Variants in LRRFIP2 observed in about 807,000 individuals in gnomAD.
LRRFIP2 encodes the protein leucine-rich repeat flightless-interacting protein 2.
Under a neutral mutation model 125.9 loss-of-function variants are expected in LRRFIP2, and 109 were observed. The observed-to-expected ratio is 0.87, with a 90% CI of 0.74 to 1.01. The LOEUF is 1.01. Among genes scored for constraint, LRRFIP2 ranks in the 50% least tolerant of loss-of-function variants. The pLI, the probability that LRRFIP2 is intolerant of heterozygous loss-of-function variation, is 0.00. For missense variants in LRRFIP2, 850 were observed against 862.3 expected, an observed-to-expected ratio of 0.99 and a Z score of 0.18; for synonymous variants, 291 against 293.1, an observed-to-expected ratio of 0.99 and a Z score of 0.07.
Position 37,148,974 on chromosome 3 carries a change from G to A in LRRFIP2, c.10C>T (p.Pro4Ser). Reference protein sequence around the residue: MGTPASGRKRTPVK... With the variant: MGTSASGRKRTPVK... ...GGTGTTCTTTTCCTTCCAGAAGCAG[G>A]AGTCCCCATCTTGTGTTCTTAATAG... is the stretch of plus-strand genomic sequence containing the variant. The change falls in exon 2 of 28, where the codon CCT becomes TCT. Residue 4 changes from proline (P) to serine (S), a missense_variant. By Grantham distance (74) the Pro-to-Ser change is moderately conservative. Transcript: ENST00000336686. 1 of 1,613,942 alleles carries A rather than the reference G, an allele frequency of 6.2e-7. No homozygotes were observed. Among genetic ancestry groups the A allele is most frequent in the Non-Finnish European group, 8.5e-7 (1 of 1,179,916 alleles).
Position 37,109,509 on chromosome 3 carries a change from G to C in LRRFIP2, c.609+18C>G. On this transcript the variant is annotated intron_variant, in intron 11 of 27. Coordinates refer to ENST00000336686, the MANE Select transcript of LRRFIP2 (RefSeq NM_006309.4). ...GACCCCACCAGCACTGCACACACTG[G>C]AAGAGGAAAATACAAACCAGACTGG... 6.2e-7 allele frequency: 1 copy of C among 1,613,802 alleles called. No individual in the cohort carries two copies. Among genetic ancestry groups the C allele is most frequent in the South Asian group, 1.1e-5 (1 of 91,076 alleles).
At chr3:37,120,669 A>AACT (rs2094989425) in intron 6 of LRRFIP2, among the ~76,000 whole-genome samples, 1 of 152,158 alleles carries the variant, frequency 6.6e-6, no homozygotes, top group Non-Finnish European at 1.5e-5. Context: ...AGTCAGGGAA[A>AACT]ACTAACAAAT....
chr3:37,158,715 A>C (rs185672607), intron 1 of LRRFIP2, among the ~76,000 whole-genome samples: 1 of 152,272 alleles, frequency 6.6e-6, no homozygotes, highest in East Asian at 1.9e-4. Flanking sequence ...AGATGAAACA[A>C]AAAGTAAGGG....
intron 1 of LRRFIP2, among the ~76,000 whole-genome samples, chr3:37,168,272 A>G (rs1406209208): frequency 6.6e-6 from 1 of 152,230 alleles, no homozygotes. Flanking sequence ...AAGCAGAAAG[A>G]TGGAAACAAC....
At chr3:37,175,225 A>G (rs1204864565), upstream of LRRFIP2, 2 of 152,206 alleles carry the variant, frequency 1.3e-5, no homozygotes, top group African/African-American at 2.4e-5. Context: ...ATGACAACAT[A>G]AAAAAATTAA....
At position 37,152,627 on chromosome 3, in the gene LRRFIP2, G is replaced by A. The variant is rs527407387; in HGVS notation, c.-55-3589C>T. ...CCTGGCTAATTTTGTAATTTTAGTAGAGACGGGGTTTCACCATGTTGGCCA... is the reference window on the plus strand; with the variant it reads ...CCTGGCTAATTTTGTAATTTTAGTAAAGACGGGGTTTCACCATGTTGGCCA... On this transcript the variant is annotated intron_variant, in intron 1 of 27. Coordinates refer to ENST00000336686, the MANE Select transcript of LRRFIP2 (RefSeq NM_006309.4). 7.9e-5 allele frequency among the ~76,000 whole-genome samples: 12 copies of A among 152,130 alleles called. 1 individual carries two copies. The highest frequency in any genetic ancestry group is 2.9e-4 in the African/African-American group (12 of 41,512).
chr3:37,169,008 C>T (rs1298953366), intron 1 of LRRFIP2, among the ~76,000 whole-genome samples: 3 of 152,140 alleles, frequency 2.0e-5, no homozygotes, highest in Non-Finnish European at 4.4e-5. Flanking sequence ...CGAAAATTTA[C>T]CACTGTGTTA....
intron 6 of LRRFIP2, among the ~76,000 whole-genome samples, chr3:37,119,567 A>C (rs2094936251): frequency 6.6e-6 from 1 of 152,256 alleles, no homozygotes; most frequent in South Asian, 2.1e-4. Flanking sequence ...TGAAAAAGCC[A>C]TAAATACAAG....
chr3:37,139,533 C>A (rs1179313826), intron 2 of LRRFIP2, among the ~76,000 whole-genome samples: 1 of 152,134 alleles, frequency 6.6e-6, no homozygotes. Flanking sequence ...CGCTTCACAC[C>A]CTCCAAAGCC....
intron 24 of LRRFIP2, among the ~76,000 whole-genome samples, chr3:37,059,383 T>C (rs1040131254): frequency 3.3e-5 from 5 of 152,170 alleles, no homozygotes; most frequent in Non-Finnish European, 7.3e-5. Context: ...AGTTAACTGA[T>C]AGGGTATATT....
At chr3:37,101,175 G>A (rs938447956) in intron 15 of LRRFIP2, among the ~76,000 whole-genome samples, 1 of 151,766 alleles carries the variant, frequency 6.6e-6, no homozygotes, top group African/African-American at 2.4e-5. Context: ...GGCCAAGATG[G>A]TGAAACCCCG....
intron 14 of LRRFIP2, 45 bp downstream of exon 14, chr3:37,105,410 T>C (rs905700422): frequency 6.6e-7 from 1 of 1,505,070 alleles, no homozygotes; most frequent in African/African-American, 1.4e-5. Context: ...TGCATTGCTG[T>C]CATTTAAAAC....
rs1559712296 is a variant in LRRFIP2 at position 37,072,867 on chromosome 3, G to A, written c.1387C>T (p.Gln463Ter). The A allele has an allele frequency of 1.2e-6, 2 of 1,610,890 alleles. No individual in the cohort carries two copies. Among genetic ancestry groups the A allele is most frequent in the Non-Finnish European group, 1.7e-6 (2 of 1,177,948 alleles). Residue 463 changes from glutamine (Q) to a stop codon, truncating the protein, a stop_gained, in exon 21 of 28, where the codon CAG (glutamine) becomes TAG (stop). Coordinates refer to ENST00000336686, the MANE Select transcript of LRRFIP2 (RefSeq NM_006309.4). LOFTEE classifies it high-confidence loss of function. ...TTTGTCATGGTGTCTATTTTCTGCT[G>A]CATGCGCTGCTTCTCCTGCAGAGGA... is the stretch of plus-strand genomic sequence containing the variant. ...DELIEEKQRM[Q>*]QKIDTMTKEV... is the part of the protein sequence containing the mutation.
At chr3:37,088,510 A>T (rs1198356015) in intron 18 of LRRFIP2, among the ~76,000 whole-genome samples, 8 of 139,442 alleles carry the variant, frequency 5.7e-5, no homozygotes, top group South Asian at 2.3e-4. Context: ...GACTGCATTT[A>T]AAAAAAAAAA....
At chr3:37,127,753 A>G (rs552559608) in intron 3 of LRRFIP2, 73 bp from the exon 4 acceptor site, 9 of 1,174,656 alleles carry the variant, frequency 7.7e-6, no homozygotes, top group Non-Finnish European at 1.1e-5. Context: ...TAAATTAATC[A>G]TACACATTTT....
At chr3:37,142,124 G>A (rs1240969760) in intron 2 of LRRFIP2, among the ~76,000 whole-genome samples, 4 of 150,668 alleles carry the variant, frequency 2.7e-5, no homozygotes, top group African/African-American at 9.8e-5. Context: ...TCTTCAATAG[G>A]TGGTTGACCC....
chr3:37,167,463 G>T (rs2096522819), intron 1 of LRRFIP2, among the ~76,000 whole-genome samples: 1 of 149,762 alleles, frequency 6.7e-6, no homozygotes, highest in African/African-American at 2.5e-5. Context: ...AGACCAGCCT[G>T]GCCAATAGGG....
intron 2 of LRRFIP2, among the ~76,000 whole-genome samples, chr3:37,132,551 G>A (rs1019004319): frequency 9.9e-5 from 15 of 152,148 alleles, no homozygotes; most frequent in African/African-American, 3.6e-4. Context: ...CTCCCTTGGA[G>A]ACTGTGTTGA....
At chr3:37,058,266 C>T (rs1459879194) in intron 25 of LRRFIP2, among the ~76,000 whole-genome samples, 2 of 152,204 alleles carry the variant, frequency 1.3e-5, no homozygotes, top group Non-Finnish European at 2.9e-5. Flanking sequence ...ACCTCATTAT[C>T]CCCTGAAGCA....
Sources: gnomAD v4.1 joint callset for allele counts (sites outside exome capture counted in the v4.1 genomes callset) on GRCh38, gnomAD v4.1.1 for gene constraint, MANE v1.5 for transcripts, NCBI Gene and HGNC (gene_info 2026-07-23, HGNC 2026-07-21) for gene names.